The following PHTF2 variants were observed in gnomAD, a reference collection of about 807,000 sequenced individuals.
PHTF2 encodes the protein protein PHTF2.
Under a neutral mutation model 101.2 loss-of-function variants are expected in PHTF2, and 60 were observed. The ratio of observed to expected loss-of-function variants is 0.59; its 90% confidence interval spans 0.48 to 0.73. The LOEUF (loss-of-function observed/expected upper bound fraction) is 0.73. Among genes scored for constraint, PHTF2 ranks in the 30% least tolerant of loss-of-function variants. The probability of loss-of-function intolerance (pLI) is 0.00; values close to 1 mark genes in which losing one functional copy is unlikely to be tolerated. For missense variants in PHTF2, 747 were observed against 908.7 expected, an observed-to-expected ratio of 0.82 and a Z score of 2.29; for synonymous variants, 311 against 307.3, an observed-to-expected ratio of 1.01 and a Z score of -0.13.
intron 1 of PHTF2, among the ~76,000 whole-genome samples, chr7:77,831,438 C>G (rs762365447): frequency 6.6e-6 from 1 of 152,124 alleles, no homozygotes; most frequent in Admixed American, 6.5e-5. Context: ...CAGAAGGTGG[C>G]ACATGTTCTT....
intron 16 of PHTF2, among the ~76,000 whole-genome samples, chr7:77,947,756 C>T (rs1806178879): frequency 6.7e-6 from 1 of 150,302 alleles, no homozygotes; most frequent in South Asian, 2.1e-4. Flanking sequence ...CACAGAAAGA[C>T]AAGAGTAGTC....
intron 7 of PHTF2, among the ~76,000 whole-genome samples, chr7:77,903,192 C>A (rs1233367877): frequency 2.0e-5 from 3 of 151,916 alleles, no homozygotes; most frequent in Admixed American, 2.0e-4. Flanking sequence ...AAGCTGATTG[C>A]TATTTTTTGC....
intron 3 of PHTF2, among the ~76,000 whole-genome samples, chr7:77,884,310 G>T (rs1260603023): frequency 1.3e-5 from 2 of 152,162 alleles, no homozygotes; most frequent in Non-Finnish European, 2.9e-5. Flanking sequence ...TGAAGTCTGA[G>T]ATTTCATTGT....
chr7:77,944,447 T>A (rs1190887648), intron 16 of PHTF2, among the ~76,000 whole-genome samples: 4 of 152,208 alleles, frequency 2.6e-5, no homozygotes, highest in Non-Finnish European at 5.9e-5. Flanking sequence ...TTATAACTCT[T>A]CCCTTACTAC....
chr7:77,820,814 T>G (rs930192710), intron 1 of PHTF2, among the ~76,000 whole-genome samples: 1 of 152,218 alleles, frequency 6.6e-6, no homozygotes, highest in Non-Finnish European at 1.5e-5. Flanking sequence ...ATTGATTGTT[T>G]TCTTCTTGTT....
chr7:77,847,519 G>C (rs1451619359), intron 2 of PHTF2, among the ~76,000 whole-genome samples: 2 of 152,144 alleles, frequency 1.3e-5, no homozygotes, highest in African/African-American at 4.8e-5. Context: ...TCCCTTGGAT[G>C]AATCACACAG....
In PHTF2 at chr7:77,925,495, G is replaced by GTTTTTTTTTTTTTTTTTTTTTTT. The variant is rs58290945; in HGVS notation, c.1119+2726_1119+2748dup. 1.8e-4 allele frequency among the ~76,000 whole-genome samples: 13 copies of GTTTTTTTTTTTTTTTTTTTTTTT among 73,166 alleles called. 1 individual carries two copies. Among genetic ancestry groups the GTTTTTTTTTTTTTTTTTTTTTTT allele is most frequent in the African/African-American group, 7.5e-4 (13 of 17,300 alleles). 48.0% of individuals were successfully genotyped at this position (73,166 alleles called of 152,430 possible). On this transcript the variant is annotated intron_variant, in intron 11 of 19. Transcript: ENST00000416283. ...GCAATTATAGGCAATAGTTTTTAGGGTTTTTTTTTTTTTTTTTTTTTTTTT... is the reference window on the plus strand; with the variant it reads ...GCAATTATAGGCAATAGTTTTTAGGGTTTTTTTTTTTTTTTTTTTTTTTTTTTTTTTTTTTTTTTTTTTTTTTT...
At chr7:77,850,510 C>T (rs1055224515) in intron 2 of PHTF2, among the ~76,000 whole-genome samples, 2 of 151,074 alleles carry the variant, frequency 1.3e-5, no homozygotes, top group Non-Finnish European at 2.9e-5. Flanking sequence ...GGCATGGTGG[C>T]ATACACCTGT....
chr7:77,838,624 C>A (rs1015600340), intron 1 of PHTF2, among the ~76,000 whole-genome samples: 1 of 151,956 alleles, frequency 6.6e-6, no homozygotes, highest in African/African-American at 2.4e-5. Context: ...TTACAAAGAT[C>A]CTATAAGGGG....
intron 1 of PHTF2, among the ~76,000 whole-genome samples, chr7:77,799,991 C>T (rs1365916936): frequency 6.6e-6 from 1 of 151,958 alleles, no homozygotes. Flanking sequence ...CATTTTTAAA[C>T]GTTTCTTTCA....
At chr7:77,823,030 G>C (rs1794423324) in intron 1 of PHTF2, among the ~76,000 whole-genome samples, 1 of 146,794 alleles carries the variant, frequency 6.8e-6, no homozygotes, top group East Asian at 2.0e-4. Context: ...TCAGCCTCCC[G>C]AGTAGCTGGG....
chr7:77,875,282 G>A (rs1195238138), intron 3 of PHTF2, among the ~76,000 whole-genome samples: 1 of 151,862 alleles, frequency 6.6e-6, no homozygotes, highest in Non-Finnish European at 1.5e-5. Context: ...TTCTTACATA[G>A]ATCTTCCACC....
chr7:77,921,922 CA>C lies in PHTF2; in HGVS notation c.964-699del, dbSNP rs527809752. 1.6e-4 allele frequency among the ~76,000 whole-genome samples: 24 copies of C among 150,834 alleles called. 1 individual carries two copies. In the South Asian group the frequency reaches 4.6e-3, roughly 29 times the overall value. On this transcript the variant is annotated intron_variant, in intron 10 of 19. Transcript: ENST00000416283. ...ATTATTAAATTAGTGGTGGGTCTTA[CA>C]ATTGATGGCTTTTTCAGTTTGAAAA...
At chr7:77,913,159 G>A (rs952387881) in intron 9 of PHTF2, among the ~76,000 whole-genome samples, 2 of 151,916 alleles carry the variant, frequency 1.3e-5, no homozygotes, top group Non-Finnish European at 1.5e-5. Flanking sequence ...AGGCCAAGGC[G>A]GGTGGATCAC....
chr7:77,939,642 A>G (rs901550711), intron 13 of PHTF2, among the ~76,000 whole-genome samples: 1 of 151,842 alleles, frequency 6.6e-6, no homozygotes, highest in African/African-American at 2.4e-5. Context: ...TTACAAATGT[A>G]CAAACGTATG....
At position 77,893,997 on chromosome 7, in the gene PHTF2, A is replaced by G; in HGVS notation, c.216+4A>G. The G allele has an allele frequency of 6.2e-7, 1 of 1,601,398 alleles. No homozygotes were observed. Among genetic ancestry groups the G allele is most frequent in the Non-Finnish European group, 8.6e-7 (1 of 1,168,624 alleles). ...CTCTGTACAGTTTATTAAACTGGTAAGTGTTTCAGGATTTTTCCCGCCTGA... is the reference window on the plus strand; with the variant it reads ...CTCTGTACAGTTTATTAAACTGGTAGGTGTTTCAGGATTTTTCCCGCCTGA... On this transcript the variant is annotated splice_donor_region_variant and intron_variant, in intron 5 of 19. Transcript: ENST00000416283.
At chr7:77,897,801 C>T (rs1349942969) in intron 5 of PHTF2, among the ~76,000 whole-genome samples, 1 of 152,094 alleles carries the variant, frequency 6.6e-6, no homozygotes, top group Non-Finnish European at 1.5e-5. Flanking sequence ...CTGCCTCAGC[C>T]TCCCAAGTAG....
chr7:77,819,885 C>T (rs528622601), intron 1 of PHTF2, among the ~76,000 whole-genome samples: 43 of 152,054 alleles, frequency 2.8e-4, no homozygotes, highest in African/African-American at 8.4e-4. Context: ...TTATGGGAGA[C>T]TTTTTGTTTT....
intron 3 of PHTF2, among the ~76,000 whole-genome samples, chr7:77,870,641 G>A (rs1036431791): frequency 6.6e-6 from 1 of 152,078 alleles, no homozygotes; most frequent in Non-Finnish European, 1.5e-5. Context: ...CACCCTCACA[G>A]ACACACCCAG....
Sources: gnomAD v4.1 joint callset for allele counts (sites outside exome capture counted in the v4.1 genomes callset) on GRCh38, gnomAD v4.1.1 for gene constraint, MANE v1.5 for transcripts, NCBI Gene and HGNC (gene_info 2026-07-23, HGNC 2026-07-21) for gene names.